The following PHLDB2 variants were observed in gnomAD, a reference collection of about 807,000 sequenced individuals.
PHLDB2 encodes pleckstrin homology-like domain family B member 2.
A neutral mutation model predicts 123.6 loss-of-function variants in PHLDB2; 71 were observed. The ratio of observed to expected loss-of-function variants is 0.57; its 90% CI spans 0.47 to 0.70. PHLDB2 has a LOEUF of 0.70. Ranked by LOEUF, PHLDB2 falls within the 30% of genes least tolerant of loss-of-function variation. PHLDB2 has a pLI of 0.00. For synonymous variants in PHLDB2, 547 were observed against 541.6 expected (o/e 1.01, Z -0.14); for missense variants, 1,446 against 1,519.5 (o/e 0.95, Z 0.80).
chr3:111,901,588 A>G (rs1336514444), intron 2 of PHLDB2, among the ~76,000 whole-genome samples: 1 of 152,152 alleles, frequency 6.6e-6, no homozygotes, highest in Non-Finnish European at 1.5e-5. Flanking sequence ...TACCTCTCAT[A>G]TACTTATTTT....
At chr3:111,903,797 T>C (rs780383382) in intron 2 of PHLDB2, among the ~76,000 whole-genome samples, 2 of 152,194 alleles carry the variant, frequency 1.3e-5, no homozygotes, top group African/African-American at 4.8e-5. Flanking sequence ...ATTTCTTTAC[T>C]GAATTCTTCC....
intron 1 of PHLDB2, among the ~76,000 whole-genome samples, chr3:111,839,640 C>T (rs1363094963): frequency 6.6e-6 from 1 of 151,918 alleles, no homozygotes; most frequent in East Asian, 1.9e-4. Flanking sequence ...TTTTCCATTT[C>T]CTGTGAATCG....
chr3:111,946,083 A>AGTGGCT (rs2070290202), intron 9 of PHLDB2, among the ~76,000 whole-genome samples: 1 of 99,500 alleles, frequency 1.0e-5, no homozygotes, highest in Non-Finnish European at 2.1e-5. Flanking sequence ...CCAGGCTGGC[A>AGTGGCT]TGATCTCAGC....
chr3:111,849,505 T>C (rs372293124), intron 2 of PHLDB2, among the ~76,000 whole-genome samples: 11 of 152,276 alleles, frequency 7.2e-5, no homozygotes, highest in East Asian at 3.9e-4. Flanking sequence ...GTCTTGTAAA[T>C]ATAATACTAA....
Position 111,974,403 on chromosome 3 carries a change from T to C in PHLDB2, c.3622-20T>C. 6.4e-7 allele frequency: 1 copy of C among 1,570,990 alleles called. No individual in the cohort carries two copies. Among genetic ancestry groups the C allele is most frequent in the Non-Finnish European group, 8.7e-7 (1 of 1,154,450 alleles). ...TTTAAGATGTTTATTTTACATTCTTTTTCCTTTTTTGAATTTTAGAGTCCT... is the reference window on the plus strand; with the variant it reads ...TTTAAGATGTTTATTTTACATTCTTCTTCCTTTTTTGAATTTTAGAGTCCT... On this transcript the variant is annotated intron_variant, in intron 17 of 17. Coordinates refer to ENST00000431670, the MANE Select transcript of PHLDB2 (RefSeq NM_001134438.2).
At chr3:111,789,796 C>T (rs2060836572) in intron 1 of PHLDB2, among the ~76,000 whole-genome samples, 1 of 152,154 alleles carries the variant, frequency 6.6e-6, no homozygotes, top group Admixed American at 6.5e-5. Context: ...AAGCTATCAT[C>T]ACCGGGGCTA....
At chr3:111,927,493 G>A (rs2068878658) in intron 5 of PHLDB2, among the ~76,000 whole-genome samples, 1 of 152,160 alleles carries the variant, frequency 6.6e-6, no homozygotes, top group Admixed American at 6.5e-5. Flanking sequence ...TAGAGTGCTG[G>A]GTTCTGTGCT....
chr3:111,967,455 A>C (rs1429172030), intron 14 of PHLDB2, among the ~76,000 whole-genome samples: 1 of 152,224 alleles, frequency 6.6e-6, no homozygotes, highest in Non-Finnish European at 1.5e-5. Context: ...GAAGACCACA[A>C]TTTAATTGTT....
At chr3:111,906,626 A>G (rs531957711) in intron 2 of PHLDB2, among the ~76,000 whole-genome samples, 27 of 152,232 alleles carry the variant, frequency 1.8e-4, no homozygotes, top group Admixed American at 3.9e-4. Flanking sequence ...TGAAAAATCA[A>G]TGACTGGTAA....
intron 1 of PHLDB2, among the ~76,000 whole-genome samples, chr3:111,760,486 C>T (rs2059974431): frequency 6.6e-6 from 1 of 152,110 alleles, no homozygotes; most frequent in African/African-American, 2.4e-5. Flanking sequence ...TTAGGAAAAG[C>T]AGCATTTCAG....
Position 111,945,312 on chromosome 3 carries a change from C to T in PHLDB2, c.2442C>T (p.Leu814=), listed in dbSNP as rs2070223917. ...ATTTGGAAAAGAAATACTCCAGCCT[C>T]TCTGGGGGGAAAGGGTTTCCCGTTA... The part of the protein sequence containing the change: ...LCNLEKKYSS[L]SGGKGFPVNP... The change falls in exon 9 of 18, where the codon CTC becomes CTT. Residue 814 remains leucine (L), a synonymous_variant. Coordinates refer to ENST00000431670, the MANE Select transcript of PHLDB2 (RefSeq NM_001134438.2). 3 of 1,611,078 alleles carry T rather than the reference C, an allele frequency of 1.9e-6. No individual in the cohort carries two copies. Among genetic ancestry groups the T allele is most frequent in the Non-Finnish European group, 2.5e-6 (3 of 1,177,784 alleles).
intron 1 of PHLDB2, among the ~76,000 whole-genome samples, chr3:111,733,695 A>G (rs1941582844): frequency 6.6e-6 from 1 of 152,258 alleles, no homozygotes; most frequent in African/African-American, 2.4e-5. Flanking sequence ...GTAATCACCA[A>G]GGAAAACATG....
At chr3:111,831,330 T>C (rs1244089873) in intron 1 of PHLDB2, among the ~76,000 whole-genome samples, 1 of 152,234 alleles carries the variant, frequency 6.6e-6, no homozygotes, top group African/African-American at 2.4e-5. Flanking sequence ...AATTCATCAT[T>C]GGGCTTTGAA....
chr3:111,904,340 A>C (rs371817536), intron 2 of PHLDB2, among the ~76,000 whole-genome samples: 1 of 151,652 alleles, frequency 6.6e-6, no homozygotes, highest in African/African-American at 2.4e-5. Context: ...CAAATCATTA[A>C]AATATAAGAT....
At chr3:111,894,327 T>C (rs1376192752) in intron 2 of PHLDB2, among the ~76,000 whole-genome samples, 1 of 152,024 alleles carries the variant, frequency 6.6e-6, no homozygotes, top group East Asian at 1.9e-4. Context: ...ACATTTGGGT[T>C]GGTTCCAAGT....
chr3:111,879,176 TG>T lies in PHLDB2; in HGVS notation c.-14-4886del, dbSNP rs1323825276. Among the ~76,000 whole-genome samples, 3 of 152,248 alleles carry T rather than the reference TG, an allele frequency of 2.0e-5. No homozygotes were observed. The East Asian group carries it at 5.8e-4, about 29-fold the overall frequency. On this transcript the variant is annotated intron_variant, in intron 1 of 17. Transcript: ENST00000431670. The stretch of plus-strand genomic sequence containing the variant: ...GGTAACATTCAGCTGTGAATCCGTC[TG>T]GTCCTGGACTTTTTTTGGTTGGTAG...
At chr3:111,751,491 CAG>C (rs139834696) in intron 1 of PHLDB2, among the ~76,000 whole-genome samples, 132 of 152,122 alleles carry the variant, frequency 8.7e-4, no homozygotes, top group African/African-American at 3.1e-3. Flanking sequence ...TGTAGCAAGA[CAG>C]AGTCAAATCC....
In PHLDB2 at chr3:111,859,286, C is replaced by T. The variant is rs1434012288; in HGVS notation, c.-305C>T. The stretch of plus-strand genomic sequence containing the variant: ...CCCTACTGCGTTGCTGCGAACGTAG[C>T]TTTGAGAAGCTGGCGCCCAGTGATG... On this transcript the variant is annotated 5_prime_UTR_variant, in exon 1 of 18. Transcript: ENST00000431670. 3.0e-6 allele frequency: 3 copies of T among 985,438 alleles called. No homozygotes were observed. Among genetic ancestry groups the T allele is most frequent in the Non-Finnish European group, 2.4e-6 (2 of 830,016 alleles). The allele number at this position is 985,438 out of a possible 1,614,324, so 61.0% of individuals were successfully genotyped here.
chr3:111,809,756 ATTAAGT>A (rs2061748185), intron 1 of PHLDB2, among the ~76,000 whole-genome samples: 1 of 152,250 alleles, frequency 6.6e-6, no homozygotes, highest in African/African-American at 2.4e-5. Flanking sequence ...GTCACTTTAA[ATTAAGT>A]TTATCAGCCC....
Sources: gnomAD v4.1 joint callset for allele counts (sites outside exome capture counted in the v4.1 genomes callset) on GRCh38, gnomAD v4.1.1 for gene constraint, MANE v1.5 for transcripts, NCBI Gene and HGNC (gene_info 2026-07-23, HGNC 2026-07-21) for gene names.